Variants in ADAMTS18 observed in about 807,000 individuals in gnomAD.
ADAMTS18 encodes A disintegrin and metalloproteinase with thrombospondin motifs 18.
Under a neutral mutation model 165.9 loss-of-function variants are expected in ADAMTS18, and 157 were observed. That is an observed-to-expected ratio of 0.95 (90% CI 0.83 to 1.08). The LOEUF is 1.08. Among genes scored for constraint, ADAMTS18 ranks in the 50% least tolerant of loss-of-function variants. ADAMTS18 has a pLI of 0.00. For synonymous variants in ADAMTS18, 782 were observed against 578.2 expected (o/e 1.35, Z -5.06); for missense variants, 2,040 against 1,534.0 (o/e 1.33, Z -5.51).
Position 77,359,320 on chromosome 16 carries a change from G to C in ADAMTS18, c.1320C>G (p.His440Gln). The change falls in exon 8 of 23, where the codon CAC (histidine) becomes CAG (glutamine). Residue 440 changes from histidine to glutamine, a missense_variant and splice_region_variant. His to Gln is a conservative substitution (Grantham distance 24). Coordinates refer to ENST00000282849, the MANE Select transcript of ADAMTS18 (RefSeq NM_199355.4). ...TAGTGGTTCAAAGAGGCACTTACTT[G>C]TGCCCTGACTCATGAGCGATGGTGA... is the stretch of plus-strand genomic sequence containing the variant. ...LAFTIAHESG[H>Q]NFGMIHDGEG... The C allele has an allele frequency of 6.2e-7, 1 of 1,613,534 alleles. No homozygotes were observed.
intron 12 of ADAMTS18, among the ~76,000 whole-genome samples, chr16:77,333,551 T>C (rs1292233529): frequency 1.3e-5 from 2 of 148,664 alleles, no homozygotes; most frequent in Admixed American, 6.7e-5. Flanking sequence ...AGCACGGTGG[T>C]TCCTCAAAAA....
At chr16:77,341,587 G>A in intron 11 of ADAMTS18, 117 bp downstream of exon 11, 2 of 819,688 alleles carry the variant, frequency 2.4e-6, no homozygotes, top group South Asian at 1.5e-5. Flanking sequence ...TTAATATGAA[G>A]AGAAGTCAGA....
intron 3 of ADAMTS18, among the ~76,000 whole-genome samples, chr16:77,421,788 G>C (rs1172223183): frequency 6.6e-6 from 1 of 152,056 alleles, no homozygotes; most frequent in Non-Finnish European, 1.5e-5. Context: ...ATATACAATT[G>C]CATGCAACTA....
At chr16:77,328,643 T>C (rs2056135871) in intron 12 of ADAMTS18, among the ~76,000 whole-genome samples, 1 of 152,212 alleles carries the variant, frequency 6.6e-6, no homozygotes, top group Non-Finnish European at 1.5e-5. Context: ...AATCTTTAAG[T>C]GCTATATCAT....
chr16:77,307,205 T>G (rs2055697392), intron 16 of ADAMTS18, among the ~76,000 whole-genome samples: 1 of 152,218 alleles, frequency 6.6e-6, no homozygotes, highest in Non-Finnish European at 1.5e-5. Context: ...AAGCCCAAAT[T>G]GCACCTTACA....
intron 19 of ADAMTS18, among the ~76,000 whole-genome samples, chr16:77,293,990 C>G (rs561717095): frequency 1.1e-4 from 16 of 152,018 alleles, no homozygotes; most frequent in Non-Finnish European, 2.1e-4. Context: ...AAAAATAAAG[C>G]CCTACTCTGA....
chr16:77,324,042 C>T (rs918525912), intron 13 of ADAMTS18, among the ~76,000 whole-genome samples: 22 of 152,172 alleles, frequency 1.4e-4, no homozygotes, highest in Non-Finnish European at 2.9e-4. Flanking sequence ...CTCCTTATAT[C>T]TTCAACACAG....
intron 11 of ADAMTS18, among the ~76,000 whole-genome samples, chr16:77,336,771 G>C (rs760743600): frequency 7.9e-5 from 12 of 152,090 alleles, no homozygotes; most frequent in Non-Finnish European, 1.6e-4. Flanking sequence ...TGTTTCTTTT[G>C]TTTTTGTTTT....
intron 3 of ADAMTS18, among the ~76,000 whole-genome samples, chr16:77,402,195 C>G (rs1034829885): frequency 6.6e-6 from 1 of 152,180 alleles, no homozygotes; most frequent in African/African-American, 2.4e-5. Context: ...TGCAAACACA[C>G]AGGTATACAA....
At position 77,333,136 on chromosome 16, in the gene ADAMTS18, A is replaced by G. The variant is rs543301664; in HGVS notation, c.1859+2620T>C. ...GCTCAGAGTCTTACTGGATCATCACAGTCCCGTAGAGAATGACTCCTCTGC... is the reference window on the plus strand; with the variant it reads ...GCTCAGAGTCTTACTGGATCATCACGGTCCCGTAGAGAATGACTCCTCTGC... On this transcript the variant is annotated intron_variant, in intron 12 of 22. Transcript: ENST00000282849. Among the ~76,000 whole-genome samples the G allele has an allele frequency of 2.4e-4, 36 of 152,300 alleles. No homozygotes were observed. In the Middle Eastern group the frequency reaches 0.01, roughly 43 times the overall value.
chr16:77,363,967 A>G (rs531601832), intron 5 of ADAMTS18, 82 bp from the exon 6 acceptor site: 1 of 1,380,786 alleles, frequency 7.2e-7, no homozygotes, highest in Admixed American at 1.7e-5. Flanking sequence ...TGACTGAAGT[A>G]CGCAGGCTTT....
intron 3 of ADAMTS18, among the ~76,000 whole-genome samples, chr16:77,370,609 G>A (rs1401139225): frequency 6.6e-6 from 1 of 152,038 alleles, no homozygotes; most frequent in Non-Finnish European, 1.5e-5. Context: ...AATTAGCCGG[G>A]CATGATGGTG....
intron 3 of ADAMTS18, among the ~76,000 whole-genome samples, chr16:77,393,167 C>G (rs1416534533): frequency 6.6e-6 from 1 of 152,172 alleles, no homozygotes. Context: ...ATGTCCAGAG[C>G]AGAACATGAC....
At chr16:77,411,483 G>C (rs1425773375) in intron 3 of ADAMTS18, among the ~76,000 whole-genome samples, 1 of 151,976 alleles carries the variant, frequency 6.6e-6, no homozygotes, top group Non-Finnish European at 1.5e-5. Context: ...CATTATTTTG[G>C]AGTTCATACA....
rs1029182866 is a variant in ADAMTS18, at chr16:77,353,871, C to A, written c.1476G>T (p.Gly492=). 5.0e-6 allele frequency: 8 copies of A among 1,614,062 alleles called. No individual in the cohort carries two copies. The African/African-American group carries it at 5.3e-5, about 11-fold the overall frequency. ...CTTGCTTGGGCTCATCCACTAGACA[C>A]CCCGCCTGAGGTGTGCTGTAATGAC... ...LKKFLSTPQA[G]CLVDEPKQAG... is the part of the protein sequence containing the mutation. The change falls in exon 10 of 23, where the codon GGG becomes GGT. Residue 492 remains glycine, a synonymous_variant. Transcript: ENST00000282849.
chr16:77,427,898 C>T (rs1000208909), intron 3 of ADAMTS18, among the ~76,000 whole-genome samples: 1 of 152,188 alleles, frequency 6.6e-6, no homozygotes, highest in Non-Finnish European at 1.5e-5. Context: ...AGTATGTATG[C>T]ACGCATGTCT....
chr16:77,319,599 C>T (rs1029643880), intron 16 of ADAMTS18, among the ~76,000 whole-genome samples: 8 of 152,092 alleles, frequency 5.3e-5, no homozygotes, highest in Non-Finnish European at 7.4e-5. Context: ...CGTGCCACCA[C>T]ACCTGGCTAA....
In ADAMTS18 at chr16:77,322,429, G is replaced by C. The variant is rs147433320; in HGVS notation, c.2070C>G (p.Asn690Lys). Residue 690 changes from asparagine (N) to lysine (K), a missense_variant, in exon 14 of 23, where the codon AAC (asparagine) becomes AAG (lysine). By Grantham distance (94) the Asn-to-Lys change is moderately conservative. Transcript: ENST00000282849. ...DRCKLYCKAE[N>K]FEFFFAMSGK... ...CGGACATTGCAAAAAAAAATTCAAA[G>C]TTCTCAGCCTTGCAGTACAGTTTGC... is the stretch of plus-strand genomic sequence containing the variant. 7.4e-5 allele frequency: 120 copies of C among 1,613,860 alleles called. No individual in the cohort carries two copies. In the South Asian group the frequency reaches 8.1e-4, roughly 11 times the overall value.
At chr16:77,362,385 T>C (rs1365605102) in intron 6 of ADAMTS18, 121 bp from the exon 7 acceptor site, 2 of 1,090,200 alleles carry the variant, frequency 1.8e-6, no homozygotes, top group Non-Finnish European at 2.7e-6. Context: ...AGTAAACACT[T>C]GAGCTAAGGT....
Sources: allele counts gnomAD v4.1 joint callset (sites outside exome capture counted in the v4.1 genomes callset), GRCh38; gene constraint gnomAD v4.1.1; transcripts MANE v1.5; gene names NCBI Gene and HGNC (gene_info 2026-07-23, HGNC 2026-07-21).